Variants in CNTNAP1 observed in about 807,000 individuals in gnomAD.
CNTNAP1 encodes contactin associated protein 1, also known as contactin-associated protein 1.
Under a neutral mutation model 161.5 loss-of-function variants are expected in CNTNAP1, and 80 were observed. The ratio of observed to expected loss-of-function variants is 0.50; its 90% CI spans 0.41 to 0.60. CNTNAP1 has a LOEUF of 0.60. Ranked by LOEUF, CNTNAP1 falls within the 20% of genes least tolerant of loss-of-function variation. The pLI is 0.00. For synonymous variants in CNTNAP1, 695 were observed against 733.1 expected, an observed-to-expected ratio of 0.95 and a Z score of 0.84; for missense variants, 1,464 against 1,854.8, an observed-to-expected ratio of 0.79 and a Z score of 3.87.
Position 42,690,956 on chromosome 17 carries a change from T to A in CNTNAP1, c.2059+14T>A, listed in dbSNP as rs774950173. ...TCAACACTGCAGGTTAGGGCTGGGG[T>A]CAGGGAGGTGGCGGAACTGGAGGAG... On this transcript the variant is annotated intron_variant, in intron 13 of 23. Coordinates refer to ENST00000264638, the MANE Select transcript of CNTNAP1 (RefSeq NM_003632.3). The A allele has an allele frequency of 1.5e-5, 24 of 1,613,226 alleles. No individual in the cohort carries two copies. Among genetic ancestry groups the A allele is most frequent in the Non-Finnish European group, 2.0e-5 (24 of 1,179,492 alleles).
At chr17:42,696,202 C>T (rs776862425) in intron 20 of CNTNAP1, 50 bp downstream of exon 20, 34 of 1,600,280 alleles carry the variant, frequency 2.1e-5, no homozygotes, top group South Asian at 1.0e-4. Flanking sequence ...TCATGGTCTC[C>T]GTTGTGGCAT....
chr17:42,689,140 C>A, intron 10 of CNTNAP1, 93 bp downstream of exon 10: 1 of 1,285,310 alleles, frequency 7.8e-7, no homozygotes, highest in South Asian at 1.5e-5. Context: ...TCTCCCTTCT[C>A]CTTGTCTCTG....
At chr17:42,684,965 G>A (rs2052984811) in intron 3 of CNTNAP1, 26 bp from the exon 4 acceptor site, 2 of 1,606,294 alleles carry the variant, frequency 1.2e-6, no homozygotes, top group African/African-American at 1.3e-5. Context: ...GCAGGACGTG[G>A]TTACTACTCT....
In CNTNAP1 at chr17:42,695,688, G is replaced by C. The variant is rs761172021; in HGVS notation, c.3160G>C (p.Gly1054Arg). The C allele has an allele frequency of 6.2e-7, 1 of 1,614,186 alleles. No homozygotes were observed. The highest frequency in any genetic ancestry group is 1.7e-5 in the Admixed American group (1 of 60,018). ...TCCGGGCTATGTGCCTGGCTACCAT[G>C]GCCCCGGGTACCGCCTGCCCGACTA... The part of the protein sequence containing the change: ...DTPGYVPGYH[G>R]PGYRLPDYPR... Residue 1054 changes from glycine to arginine, a missense_variant, in exon 19 of 24, where the codon GGC becomes CGC. Coordinates refer to ENST00000264638, the MANE Select transcript of CNTNAP1 (RefSeq NM_003632.3).
chr17:42,687,801 G>C lies in CNTNAP1; in HGVS notation c.1126G>C (p.Gly376Arg). The C allele has an allele frequency of 6.2e-7, 1 of 1,614,236 alleles. No individual in the cohort carries two copies. Among genetic ancestry groups the C allele is most frequent in the Non-Finnish European group, 8.5e-7 (1 of 1,180,042 alleles). The change falls in exon 8 of 24, where the codon GGT (glycine) becomes CGT (arginine). Residue 376 changes from glycine (G) to arginine (R), a missense_variant. Physicochemically the swap from Gly to Arg is moderately radical, Grantham distance 125. Coordinates refer to ENST00000264638, the MANE Select transcript of CNTNAP1 (RefSeq NM_003632.3). The surrounding 1 kb of genome is among the most constrained non-coding windows in gnomAD (Gnocchi z 4.7). ...CCCTCACAACTTCGTTCAAGTGCCC[G>C]GTTTCCCACGCCGTGGCCGCCTGGC... is the stretch of plus-strand genomic sequence containing the variant. The part of the protein sequence containing the change: ...GGPHNFVQVP[G>R]FPRRGRLAVS...
chr17:42,691,917 C>A lies in CNTNAP1; in HGVS notation c.2456C>A (p.Ser819Ter). ...VSFYFRTSAP[S>*]GVFLENMGGP... is the part of the protein sequence containing the mutation. Reference sequence around the variant, plus strand: ...TTCTACTTCAGGACCTCTGCTCCCTCGGGGGTCTTCCTAGAGAATATGGGG... The same window carrying A: ...TTCTACTTCAGGACCTCTGCTCCCTAGGGGGTCTTCCTAGAGAATATGGGG... The change falls in exon 16 of 24, where the codon TCG becomes TAG. Residue 819 changes from serine to a stop codon, truncating the protein, a stop_gained. Coordinates refer to ENST00000264638, the MANE Select transcript of CNTNAP1 (RefSeq NM_003632.3). LOFTEE classifies it high-confidence loss of function. This position sits in a 1 kb window ranked among gnomAD's most constrained non-coding sequence, Gnocchi z 4.3. 6.2e-7 allele frequency: 1 copy of A among 1,614,130 alleles called. No homozygotes were observed. Among genetic ancestry groups the A allele is most frequent in the Non-Finnish European group, 8.5e-7 (1 of 1,180,010 alleles).
At chr17:42,689,975 G>A (rs2053064201) in intron 11 of CNTNAP1, 113 bp from the exon 12 acceptor site, 9 of 1,210,776 alleles carry the variant, frequency 7.4e-6, no homozygotes, top group African/African-American at 6.1e-5. Context: ...TCCTGACCTC[G>A]GGTGATGCAC....
At chr17:42,683,035 C>T in intron 1 of CNTNAP1, 139 bp downstream of exon 1, 4 of 803,554 alleles carry the variant, frequency 5.0e-6, no homozygotes, top group Non-Finnish European at 7.6e-6. Flanking sequence ...TCTTTTCCTG[C>T]CTCTCCCCCG....
In CNTNAP1 at chr17:42,698,779, G is replaced by C; in HGVS notation, c.4024G>C (p.Val1342Leu). The C allele has an allele frequency of 6.2e-7, 1 of 1,612,052 alleles. No individual in the cohort carries two copies. Among genetic ancestry groups the C allele is most frequent in the Non-Finnish European group, 8.5e-7 (1 of 1,179,810 alleles). ...CCTACCCACTTCAGGCCCTGCCCAGGTCCCCACCCCTACAGCAGCTCCCAA... is the reference window on the plus strand; with the variant it reads ...CCTACCCACTTCAGGCCCTGCCCAGCTCCCCACCCCTACAGCAGCTCCCAA... Reference protein sequence around the residue: ...PPLPTSGPAQVPTPTAAPNQA... With the variant: ...PPLPTSGPAQLPTPTAAPNQA... Residue 1342 changes from valine (V) to leucine (L), a missense_variant, in exon 24 of 24, where the codon GTC becomes CTC. This residue lies in a region of CNTNAP1 where 1,383 missense variants were observed against 1,765.0 expected (regional missense o/e 0.78). Transcript: ENST00000264638.
At position 42,687,188 on chromosome 17, in the gene CNTNAP1, G is replaced by GACCCGCTCCCCTC; in HGVS notation, c.1044+142_1044+143insACCCGCTCCCCTC. On this transcript the variant is annotated intron_variant, in intron 7 of 23. Transcript: ENST00000264638. The surrounding 1 kb of genome is among the most constrained non-coding windows in gnomAD (Gnocchi z 4.7). ...GCCAGATGCTCAAGTTGGGAGGGGAGCGGGTCTCACCTGAGGTGCATGAGC... is the reference window on the plus strand; with the variant it reads ...GCCAGATGCTCAAGTTGGGAGGGGAGACCCGCTCCCCTCCGGGTCTCACCTGAGGTGCATGAGC... 2 of 1,249,842 alleles carry GACCCGCTCCCCTC rather than the reference G, an allele frequency of 1.6e-6. No homozygotes were observed. The highest frequency in any genetic ancestry group is 2.2e-6 in the Non-Finnish European group (2 of 912,514). The allele number at this position is 1,249,842 out of a possible 1,614,324, so 77.4% of individuals were successfully genotyped here. A position where few individuals can be genotyped will look rare whatever the true frequency, so the allele number is the denominator to read the frequency against.
chr17:42,683,994 G>A (rs761019109), intron 2 of CNTNAP1, 42 bp from the exon 3 acceptor site: 11 of 1,613,164 alleles, frequency 6.8e-6, no homozygotes, highest in Non-Finnish European at 9.3e-6. Flanking sequence ...GGAGGACTTC[G>A]GGGAGAGGGA....
Position 42,687,975 on chromosome 17 carries a change from G to C in CNTNAP1, c.1300G>C (p.Ala434Pro). ...GAGCGGCCGAAAGAAGCTTCAGTTC[G>C]CTGCTGGTGAGGGCGTTTCGGGGGA... ...AQSGRKKLQFAAGYRLNDGFW... is the reference protein window; with the variant it reads ...AQSGRKKLQFPAGYRLNDGFW... Residue 434 changes from alanine (A) to proline (P), a missense_variant, in exon 8 of 24, where the codon GCT becomes CCT. By Grantham distance (27) the Ala-to-Pro change is conservative. Around this residue, in one of 3 missense-constraint regions of CNTNAP1, gnomAD observed 1,383 missense variants for 1,765.0 expected, o/e 0.78. Coordinates refer to ENST00000264638, the MANE Select transcript of CNTNAP1 (RefSeq NM_003632.3). The surrounding 1 kb of genome is among the most constrained non-coding windows in gnomAD (Gnocchi z 4.7). 6.2e-7 allele frequency: 1 copy of C among 1,612,358 alleles called. No homozygotes were observed. The highest frequency in any genetic ancestry group is 8.5e-7 in the Non-Finnish European group (1 of 1,178,930).
Position 42,687,078 on chromosome 17 carries a change from A to G in CNTNAP1, c.1044+32A>G. ...GGGCAGGGGGGTCTGGGAGGACAGGATATCAAAGCGTCGTGGAAAGCAAAG... is the reference window on the plus strand; with the variant it reads ...GGGCAGGGGGGTCTGGGAGGACAGGGTATCAAAGCGTCGTGGAAAGCAAAG... On this transcript the variant is annotated intron_variant, in intron 7 of 23. Coordinates refer to ENST00000264638, the MANE Select transcript of CNTNAP1 (RefSeq NM_003632.3). This position sits in a 1 kb window ranked among gnomAD's most constrained non-coding sequence, Gnocchi z 4.7. The G allele has an allele frequency of 1.3e-6, 2 of 1,595,762 alleles. No individual in the cohort carries two copies. Among genetic ancestry groups the G allele is most frequent in the Non-Finnish European group, 1.7e-6 (2 of 1,166,434 alleles).
intron 1 of CNTNAP1, 94 bp downstream of exon 1, chr17:42,682,990 G>A: frequency 5.8e-6 from 7 of 1,205,732 alleles, no homozygotes; most frequent in Non-Finnish European, 8.0e-6. Context: ...GTGGTCGCGG[G>A]TCCTTCCCGG....
Position 42,690,199 on chromosome 17 carries a change from A to T in CNTNAP1, c.1847A>T (p.Asp616Val). ...CTGAAGCCATTTGTAGTGTACTGTG[A>T]TATCCGAGGTAAGTGTCTCTGTTGG... Reference protein sequence around the residue: ...GPLKPFVVYCDIRENRAWTVV... With the variant: ...GPLKPFVVYCVIRENRAWTVV... Residue 616 changes from aspartate (D) to valine (V), a missense_variant, in exon 12 of 24, where the codon GAT (aspartate) becomes GTT (valine). Asp to Val is a radical substitution (Grantham distance 152). Around this residue, in one of 3 missense-constraint regions of CNTNAP1, gnomAD observed 1,383 missense variants for 1,765.0 expected, o/e 0.78. Transcript: ENST00000264638. The T allele has an allele frequency of 1.2e-6, 2 of 1,613,932 alleles. No homozygotes were observed. The highest frequency in any genetic ancestry group is 1.7e-6 in the Non-Finnish European group (2 of 1,179,922).
rs766016920 is a variant in CNTNAP1 at position 42,698,567 on chromosome 17, GTA to G, written c.3863-48_3863-47del. On this transcript the variant is annotated intron_variant, in intron 23 of 23. Transcript: ENST00000264638. ...TGTGTGTGTGTGTGTGTGTGTGTGT[GTA>G]TACAGGTGAGATCCCAAAGATCTGA... The G allele has an allele frequency of 3.9e-4, 498 of 1,265,226 alleles. 1 individual carries two copies. Among genetic ancestry groups the G allele is most frequent in the Admixed American group, 1.3e-3 (67 of 52,784 alleles). 78.4% of individuals were successfully genotyped at this position (1,265,226 alleles called of 1,614,324 possible). A position where few individuals can be genotyped will look rare whatever the true frequency, so the allele number is the denominator to read the frequency against.
At chr17:42,692,383 G>T in intron 16 of CNTNAP1, 116 bp from the exon 17 acceptor site, 1 of 845,422 alleles carries the variant, frequency 1.2e-6, no homozygotes. Flanking sequence ...ACAAATTGGA[G>T]GGATATTCAA....
rs1380320887 is a variant in CNTNAP1 at position 42,684,216 on chromosome 17, G to A, written c.350G>A (p.Arg117Gln). The part of the protein sequence containing the change: ...RVDSWTPFYQ[R>Q]GHNSTFFGNV... ...GACAGCTGGACACCGTTCTACCAGC[G>A]AGGGCACAACTCGGTACTCTGGGCG... Residue 117 changes from arginine to glutamine, a missense_variant, in exon 3 of 24, where the codon CGA (arginine) becomes CAA (glutamine). Physicochemically the swap from Arg to Gln is conservative, Grantham distance 43. Transcript: ENST00000264638. 3 of 1,613,334 alleles carry A rather than the reference G, an allele frequency of 1.9e-6. No individual in the cohort carries two copies. The highest frequency in any genetic ancestry group is 1.3e-5 in the African/African-American group (1 of 74,908).
At position 42,686,951 on chromosome 17, in the gene CNTNAP1, C is replaced by G; in HGVS notation, c.949C>G (p.Arg317Gly). The G allele has an allele frequency of 1.2e-6, 2 of 1,613,840 alleles. No individual in the cohort carries two copies. Among genetic ancestry groups the G allele is most frequent in the African/African-American group, 1.3e-5 (1 of 75,070 alleles). ...CGCCGCGCGGAAGAACCTGGCCTAT[C>G]GGCATAACTTCCGCGGCTGCATAGA... ...VGAARKNLAY[R>G]HNFRGCIENV... The change falls in exon 7 of 24, where the codon CGG becomes GGG. Residue 317 changes from arginine (R) to glycine (G), a missense_variant. This residue lies in a region of CNTNAP1 where 1,383 missense variants were observed against 1,765.0 expected (regional missense o/e 0.78). Coordinates refer to ENST00000264638, the MANE Select transcript of CNTNAP1 (RefSeq NM_003632.3).
Sources: gnomAD v4.1 joint callset for allele counts on GRCh38, gnomAD v4.1.1 for gene constraint, gnomAD v4.1.1 regional missense constraint, Gnocchi (gnomAD v3.1) non-coding constraint, MANE v1.5 for transcripts, NCBI Gene and HGNC (gene_info 2026-07-23, HGNC 2026-07-21) for gene names.